The following ICE2 variants were observed in gnomAD, a reference collection of about 807,000 sequenced individuals.
ICE2 encodes the protein little elongation complex subunit 2.
A neutral mutation model predicts 105.4 loss-of-function variants in ICE2; 87 were observed. The ratio of observed to expected loss-of-function variants is 0.83; its 90% confidence interval spans 0.69 to 0.99. The LOEUF is 0.99. Among genes scored for constraint, ICE2 ranks in the 50% least tolerant of loss-of-function variants. The pLI is 0.00. For missense variants in ICE2, 1,323 were observed against 1,146.7 expected (o/e 1.15, Z -2.22); for synonymous variants, 399 against 392.0 (o/e 1.02, Z -0.21).
At position 60,476,043 on chromosome 15, in the gene ICE2, T is replaced by TAACCAAATAAAC; in HGVS notation, c.146+8_146+19dup. ...AACGACCATCAAATATGGAAATAAA[T>TAACCAAATAAAC]AACCAAATAAACATATTACCTGTTG... On this transcript the variant is annotated intron_variant, in intron 3 of 15. Transcript: ENST00000261520. 6.8e-7 allele frequency: 1 copy of TAACCAAATAAAC among 1,461,830 alleles called. No homozygotes were observed. The highest frequency in any genetic ancestry group is 9.3e-7 in the Non-Finnish European group (1 of 1,072,982). The allele number at this position is 1,461,830 out of a possible 1,614,324, so 90.6% of individuals were successfully genotyped here. A position where few individuals can be genotyped will look rare whatever the true frequency, so the allele number is the denominator to read the frequency against.
intron 3 of ICE2, among the ~76,000 whole-genome samples, chr15:60,469,696 C>T (rs1382824685): frequency 6.6e-6 from 1 of 152,110 alleles, no homozygotes; most frequent in East Asian, 1.9e-4. Context: ...CCTTTACCTC[C>T]CTGAATACGC....
At chr15:60,455,981 T>C (rs2064099045) in intron 6 of ICE2, among the ~76,000 whole-genome samples, 2 of 151,938 alleles carry the variant, frequency 1.3e-5, no homozygotes, top group Admixed American at 6.6e-5. Context: ...ATACAAATCA[T>C]AACGGGGATG....
intron 10 of ICE2, among the ~76,000 whole-genome samples, chr15:60,448,458 G>A (rs1289908494): frequency 2.0e-5 from 3 of 152,206 alleles, no homozygotes; most frequent in African/African-American, 7.2e-5. Flanking sequence ...AATCTAGGCA[G>A]AGCTGAGGAG....
chr15:60,428,744 C>T (rs2063391868), intron 14 of ICE2, 57 bp from the exon 15 acceptor site: 2 of 1,556,994 alleles, frequency 1.3e-6, no homozygotes, highest in African/African-American at 1.4e-5. Flanking sequence ...TTCAACATCA[C>T]TTTCTTAATC....
chr15:60,427,771 A>T (rs2063368944), intron 15 of ICE2, among the ~76,000 whole-genome samples: 1 of 152,196 alleles, frequency 6.6e-6, no homozygotes, highest in East Asian at 1.9e-4. Flanking sequence ...TACACAATAT[A>T]CAGAATGAGT....
At chr15:60,435,282 AAAAAC>A (rs942158470) in intron 13 of ICE2, among the ~76,000 whole-genome samples, 79 of 151,262 alleles carry the variant, frequency 5.2e-4, no homozygotes, top group African/African-American at 1.7e-3. Flanking sequence ...CTCCGTCTCA[AAAAAC>A]AAAACAAAAC....
chr15:60,427,549 T>C (rs1057119386), intron 15 of ICE2, among the ~76,000 whole-genome samples: 7 of 152,172 alleles, frequency 4.6e-5, no homozygotes, highest in Non-Finnish European at 8.8e-5. Flanking sequence ...GCCTCTCCAG[T>C]AGCTGGAAAT....
chr15:60,431,151 C>T (rs1415269810), intron 14 of ICE2, among the ~76,000 whole-genome samples: 2 of 151,748 alleles, frequency 1.3e-5, no homozygotes, highest in Non-Finnish European at 2.9e-5. Flanking sequence ...GGATTACAGG[C>T]GTGAGCCACT....
At chr15:60,429,431 C>T (rs1226089406) in intron 14 of ICE2, among the ~76,000 whole-genome samples, 2 of 152,174 alleles carry the variant, frequency 1.3e-5, no homozygotes, top group Non-Finnish European at 2.9e-5. Context: ...TAATCACGAT[C>T]CTCTACTGTA....
At chr15:60,453,102 C>G in intron 9 of ICE2, 1 of 595,860 alleles carries the variant, frequency 1.7e-6, no homozygotes, top group Non-Finnish European at 2.1e-6. Context: ...TATGGTGGTG[C>G]ACACCTGTAA....
At chr15:60,448,197 T>C in intron 10 of ICE2, 52 bp from the exon 11 acceptor site, 1 of 1,148,066 alleles carries the variant, frequency 8.7e-7, no homozygotes, top group Non-Finnish European at 1.2e-6. Flanking sequence ...TTACCCATCA[T>C]AAGCAAGGAT....
At position 60,467,959 on chromosome 15, in the gene ICE2, T is replaced by A. The variant is rs574892927; in HGVS notation, c.408+102A>T. On this transcript the variant is annotated intron_variant, in intron 4 of 15. Transcript: ENST00000261520. ...CTCAATCTCCTTACGTTTTCCATTTTAAAAAAAATGACGGGACCTAAAAAC... is the reference window on the plus strand; with the variant it reads ...CTCAATCTCCTTACGTTTTCCATTTAAAAAAAAATGACGGGACCTAAAAAC... 2.2e-4 allele frequency: 243 copies of A among 1,105,944 alleles called. No homozygotes were observed. The East Asian group carries it at 4.8e-3, about 22-fold the overall frequency. 68.5% of individuals were successfully genotyped at this position (1,105,944 alleles called of 1,614,324 possible). A position where few individuals can be genotyped will look rare whatever the true frequency, so the allele number is the denominator to read the frequency against.
At chr15:60,450,153 G>A (rs1318254386) in intron 9 of ICE2, among the ~76,000 whole-genome samples, 2 of 152,148 alleles carry the variant, frequency 1.3e-5, no homozygotes, top group Non-Finnish European at 2.9e-5. Flanking sequence ...AGACCACAAA[G>A]AAGAAATGTA....
At chr15:60,466,063 T>C (rs761884935) in intron 5 of ICE2, among the ~76,000 whole-genome samples, 2 of 152,166 alleles carry the variant, frequency 1.3e-5, no homozygotes, top group Non-Finnish European at 2.9e-5. Flanking sequence ...GTTTAAGTAG[T>C]ATACTTTAAT....
rs370827177 is a variant in ICE2 at position 60,477,371 on chromosome 15, T to C, written c.41+566A>G. ...GAGTCAGGTACTATTTTAATACTCT[T>C]TGTAACCATTTATAACATTTGATCC... On this transcript the variant is annotated intron_variant, in intron 2 of 15. Coordinates refer to ENST00000261520, the MANE Select transcript of ICE2 (RefSeq NM_024611.6). Among the ~76,000 whole-genome samples, 4 of 152,228 alleles carry C rather than the reference T, an allele frequency of 2.6e-5. No homozygotes were observed. In the East Asian group the frequency reaches 5.8e-4, roughly 22 times the overall value.
At chr15:60,451,457 C>CT in intron 9 of ICE2, 1 of 982,742 alleles carries the variant, frequency 1.0e-6, no homozygotes, top group Non-Finnish European at 1.2e-6. Context: ...AAACAATAAA[C>CT]TCAAGCACTT....
At chr15:60,473,732 A>C (rs1398936963) in intron 3 of ICE2, among the ~76,000 whole-genome samples, 1 of 144,064 alleles carries the variant, frequency 6.9e-6, no homozygotes, top group Non-Finnish European at 1.5e-5. Flanking sequence ...TTATCCTCAA[A>C]AAACTTTACA....
intron 8 of ICE2, among the ~76,000 whole-genome samples, chr15:60,454,042 TCTTA>T (rs2064034383): frequency 6.6e-6 from 1 of 152,192 alleles, no homozygotes; most frequent in Admixed American, 6.5e-5. Context: ...ACTATTATAT[TCTTA>T]CTGTCATTAT....
At chr15:60,435,935 T>A (rs2063577299) in intron 13 of ICE2, among the ~76,000 whole-genome samples, 1 of 151,984 alleles carries the variant, frequency 6.6e-6, no homozygotes, top group Non-Finnish European at 1.5e-5. Flanking sequence ...ATCACACCAC[T>A]GCACTCCAGC....
Sources: allele counts gnomAD v4.1 joint callset (sites outside exome capture counted in the v4.1 genomes callset), GRCh38; gene constraint gnomAD v4.1.1; transcripts MANE v1.5; gene names NCBI Gene and HGNC (gene_info 2026-07-23, HGNC 2026-07-21).